Variants in ROR2 observed in about 807,000 individuals in gnomAD.
ROR2 encodes the protein tyrosine-protein kinase transmembrane receptor ROR2.
ROR2 carries 33 observed loss-of-function variants against 74.9 expected under a neutral mutation model. The observed-to-expected ratio is 0.44, with a 90% CI of 0.33 to 0.59. The LOEUF is 0.59. Among genes scored for constraint, ROR2 ranks in the 20% least tolerant of loss-of-function variants. ROR2 has a pLI of 0.02. For missense variants in ROR2, 1,216 were observed against 1,313.8 expected, an observed-to-expected ratio of 0.93 and a Z score of 1.15; for synonymous variants, 586 against 558.7, an observed-to-expected ratio of 1.05 and a Z score of -0.69.
intron 2 of ROR2, among the ~76,000 whole-genome samples, chr9:91,769,982 C>T (rs897291832): frequency 3.9e-5 from 6 of 152,242 alleles, no homozygotes; most frequent in Non-Finnish European, 5.9e-5. Flanking sequence ...AGAAACCCCC[C>T]GTGCCCATCC....
chr9:91,807,485 G>A (rs1827605916), intron 1 of ROR2, among the ~76,000 whole-genome samples: 1 of 152,202 alleles, frequency 6.6e-6, no homozygotes, highest in Non-Finnish European at 1.5e-5. Flanking sequence ...AGTTCTGTGA[G>A]ACACTCCAGC....
intron 1 of ROR2, among the ~76,000 whole-genome samples, chr9:91,926,618 A>AT (rs1015309439): frequency 6.6e-6 from 1 of 151,914 alleles, no homozygotes; most frequent in East Asian, 1.9e-4. Flanking sequence ...CATGGGATAC[A>AT]TTTTTTTAAA....
intron 4 of ROR2, among the ~76,000 whole-genome samples, chr9:91,751,778 G>A (rs915279379): frequency 7.9e-5 from 12 of 152,024 alleles, no homozygotes. Flanking sequence ...CAACAGGCAA[G>A]ATTCACAAAA....
At chr9:91,784,073 A>G (rs1206578400) in intron 1 of ROR2, among the ~76,000 whole-genome samples, 1 of 151,820 alleles carries the variant, frequency 6.6e-6, no homozygotes. Context: ...TCACACCTCC[A>G]CTTGCATGTC....
intron 6 of ROR2, among the ~76,000 whole-genome samples, chr9:91,732,835 C>T (rs1392966412): frequency 6.6e-6 from 1 of 152,200 alleles, no homozygotes; most frequent in East Asian, 1.9e-4. Context: ...GAAGGGAAAT[C>T]CCAGGCTCAA....
At chr9:91,945,707 C>T (rs1368434481) in intron 1 of ROR2, among the ~76,000 whole-genome samples, 1 of 152,182 alleles carries the variant, frequency 6.6e-6, no homozygotes, top group Non-Finnish European at 1.5e-5. Context: ...GCCAACCACA[C>T]CAATAAAATT....
intron 1 of ROR2, among the ~76,000 whole-genome samples, chr9:91,900,164 G>C (rs1329954307): frequency 6.6e-6 from 1 of 152,204 alleles, no homozygotes; most frequent in Non-Finnish European, 1.5e-5. Flanking sequence ...TCCAGTGCTG[G>C]GCAGGCCCCC....
In ROR2 at chr9:91,949,910, G is replaced by T; in HGVS notation, c.54C>A (p.Val18=). The T allele has an allele frequency of 6.5e-7, 1 of 1,539,662 alleles. No individual in the cohort carries two copies. Among genetic ancestry groups the T allele is most frequent in the South Asian group, 1.2e-5 (1 of 83,694 alleles). Residue 18 remains valine, a synonymous_variant, in exon 1 of 9, where the codon GTC becomes GTA. Transcript: ENST00000375708. ...PRRPLLCIPA[V]WAAAALLLSV... is the part of the protein sequence containing the mutation. ...AGAGCAGAAGCGCGGCGGCCGCCCA[G>T]ACGGCCGGGATGCACAGCAGCGGCC...
intron 1 of ROR2, among the ~76,000 whole-genome samples, chr9:91,869,757 T>C (rs1829742501): frequency 6.6e-6 from 1 of 152,214 alleles, no homozygotes. Context: ...AAGCTACCCA[T>C]ACTTGTGTTA....
chr9:91,849,405 T>G (rs1044420117), intron 1 of ROR2, among the ~76,000 whole-genome samples: 20 of 152,246 alleles, frequency 1.3e-4, no homozygotes, highest in Non-Finnish European at 2.9e-4. Context: ...AAGATGTGCT[T>G]CCAAGCTCCC....
At chr9:91,881,983 T>A (rs1346488208) in intron 1 of ROR2, among the ~76,000 whole-genome samples, 3 of 152,162 alleles carry the variant, frequency 2.0e-5, no homozygotes, top group African/African-American at 2.4e-5. Context: ...AAATGGAGTG[T>A]AGGGTTCCAC....
intron 1 of ROR2, among the ~76,000 whole-genome samples, chr9:91,902,116 G>A (rs1315708989): frequency 6.6e-6 from 1 of 152,042 alleles, no homozygotes; most frequent in Non-Finnish European, 1.5e-5. Context: ...AACTCACAAG[G>A]GCTCCCCACC....
At chr9:91,920,566 G>A (rs1420431715) in intron 1 of ROR2, among the ~76,000 whole-genome samples, 1 of 152,210 alleles carries the variant, frequency 6.6e-6, no homozygotes, top group African/African-American at 2.4e-5. Context: ...TTCAGAAAGA[G>A]GCAAGGGAAC....
At chr9:91,918,187 G>C (rs866545513) in intron 1 of ROR2, among the ~76,000 whole-genome samples, 1 of 151,330 alleles carries the variant, frequency 6.6e-6, no homozygotes, top group African/African-American at 2.4e-5. Flanking sequence ...AGAATGGTGT[G>C]AATCCGGGAG....
intron 1 of ROR2, among the ~76,000 whole-genome samples, chr9:91,932,757 G>T (rs1487837626): frequency 6.6e-6 from 1 of 152,164 alleles, no homozygotes; most frequent in Non-Finnish European, 1.5e-5. Flanking sequence ...TAGAGAAAGT[G>T]AACGCTTATT....
Position 91,814,817 on chromosome 9 carries a change from C to T in ROR2, c.98-38999G>A, listed in dbSNP as rs1217753962. 2.6e-5 allele frequency among the ~76,000 whole-genome samples: 4 copies of T among 152,194 alleles called. No homozygotes were observed. In the East Asian group the frequency reaches 5.8e-4, roughly 22 times the overall value. On this transcript the variant is annotated intron_variant, in intron 1 of 8. Coordinates refer to ENST00000375708, the MANE Select transcript of ROR2 (RefSeq NM_004560.4). ...GTGGCCATGAAGTAACACACACCTC[C>T]GGCATGGCTGGACGATGGGCCCATG...
At chr9:91,783,302 T>C (rs1826684597) in intron 1 of ROR2, among the ~76,000 whole-genome samples, 1 of 152,136 alleles carries the variant, frequency 6.6e-6, no homozygotes, top group Non-Finnish European at 1.5e-5. Context: ...ATTCAACCCA[T>C]AAGGGAAAGC....
chr9:91,814,148 T>C (rs1827845604), intron 1 of ROR2, among the ~76,000 whole-genome samples: 1 of 152,136 alleles, frequency 6.6e-6, no homozygotes, highest in South Asian at 2.1e-4. Context: ...AGATCATACC[T>C]CTGCACTCCA....
At chr9:91,947,807 C>T (rs1832053463) in intron 1 of ROR2, among the ~76,000 whole-genome samples, 1 of 152,148 alleles carries the variant, frequency 6.6e-6, no homozygotes, top group Non-Finnish European at 1.5e-5. Context: ...GTGGATAAAA[C>T]ACACTCAAAT....
Sources: allele counts gnomAD v4.1 joint callset (sites outside exome capture counted in the v4.1 genomes callset), GRCh38; gene constraint gnomAD v4.1.1; transcripts MANE v1.5; gene names NCBI Gene and HGNC (gene_info 2026-07-23, HGNC 2026-07-21).